Variants in POT1 observed in about 807,000 individuals in gnomAD.
POT1 encodes the protein protection of telomeres protein 1.
A neutral mutation model predicts 78.5 loss-of-function variants in POT1; 47 were observed. That is an observed-to-expected ratio of 0.60 (90% CI 0.47 to 0.76). The LOEUF is 0.76. Ranked by LOEUF, POT1 falls within the 30% of genes least tolerant of loss-of-function variation. The pLI is 0.00. For synonymous variants in POT1, 259 were observed against 260.7 expected (o/e 0.99, Z 0.06); for missense variants, 646 against 749.9 (o/e 0.86, Z 1.62).
At chr7:124,904,713 T>A (rs1293843093) in intron 3 of POT1, among the ~76,000 whole-genome samples, 1 of 152,168 alleles carries the variant, frequency 6.6e-6, no homozygotes, top group African/African-American at 2.4e-5. Flanking sequence ...ATTGTCCCTG[T>A]TTGCAGATGA....
chr7:124,835,396 A>G lies in POT1; in HGVS notation c.1388T>C (p.Ile463Thr). 6.2e-7 allele frequency: 1 copy of G among 1,612,756 alleles called. No homozygotes were observed. The highest frequency in any genetic ancestry group is 8.5e-7 in the Non-Finnish European group (1 of 1,178,776). ...ATTAAACTTGTTCGAGAGTTTGCAA[A>G]TTTCACTGAGTGTACCTCCTGTTAA... ...LLIEGGTLSE[I>T]CKLSNKFNSV... Residue 463 changes from isoleucine to threonine, a missense_variant, in exon 15 of 19, where the codon ATT (isoleucine) becomes ACT (threonine). This residue lies in a region of POT1 where 394 missense variants were observed against 408.4 expected (regional missense o/e 0.96). Coordinates refer to ENST00000357628, the MANE Select transcript of POT1 (RefSeq NM_015450.3).
At chr7:124,892,633 T>C (rs1249148319) in intron 5 of POT1, 2 of 237,082 alleles carry the variant, frequency 8.4e-6, no homozygotes, top group Non-Finnish European at 1.6e-5. Context: ...TAAAACATTA[T>C]ACTTCTTCAA....
intron 14 of POT1, among the ~76,000 whole-genome samples, chr7:124,839,621 TA>T (rs1481778141): frequency 2.0e-5 from 3 of 152,172 alleles, no homozygotes; most frequent in Non-Finnish European, 2.9e-5. Flanking sequence ...AAAATAAAAA[TA>T]GCTCACATTT....
In POT1 at chr7:124,851,527, G is replaced by C. The variant is rs571363057; in HGVS notation, c.949+345C>G. On this transcript the variant is annotated intron_variant, in intron 11 of 18. Coordinates refer to ENST00000357628, the MANE Select transcript of POT1 (RefSeq NM_015450.3). Reference sequence around the variant, plus strand: ...CATAACTATGAGCAAAAAGTATTTGGGTTATGCGAAATAAGTGGCAAAAAC... The same window carrying C: ...CATAACTATGAGCAAAAAGTATTTGCGTTATGCGAAATAAGTGGCAAAAAC... Among the ~76,000 whole-genome samples, 3 of 152,150 alleles carry C rather than the reference G, an allele frequency of 2.0e-5. No homozygotes were observed. The South Asian group carries it at 6.2e-4, about 32-fold the overall frequency.
intron 7 of POT1, among the ~76,000 whole-genome samples, chr7:124,868,746 C>T (rs1367347188): frequency 2.7e-5 from 4 of 148,920 alleles, no homozygotes; most frequent in Non-Finnish European, 5.9e-5. Flanking sequence ...AAATATAATT[C>T]AATATATAAA....
At chr7:124,898,438 T>C (rs1433318129) in intron 3 of POT1, 64 bp from the exon 4 acceptor site, 1 of 151,976 alleles carries the variant, frequency 6.6e-6, no homozygotes, top group Non-Finnish European at 1.5e-5. Flanking sequence ...GAATGTCATA[T>C]AAATCCTTAT....
chr7:124,832,484 A>T (rs930480962), intron 15 of POT1, among the ~76,000 whole-genome samples: 4 of 152,104 alleles, frequency 2.6e-5, no homozygotes, highest in Admixed American at 6.5e-5. Flanking sequence ...TGGAGTGTGA[A>T]CAGCATTTGC....
intron 16 of POT1, among the ~76,000 whole-genome samples, chr7:124,827,983 A>G (rs913458786): frequency 1.3e-5 from 2 of 152,144 alleles, no homozygotes; most frequent in African/African-American, 2.4e-5. Context: ...CAGTGAGTCG[A>G]GATTGCACCA....
At chr7:124,891,986 T>G (rs796521615) in intron 6 of POT1, among the ~76,000 whole-genome samples, 4 of 151,826 alleles carry the variant, frequency 2.6e-5, no homozygotes, top group African/African-American at 9.6e-5. Context: ...TTTATATATT[T>G]ACCTTTTCCA....
chr7:124,905,945 C>G (rs1187226840), intron 3 of POT1, among the ~76,000 whole-genome samples: 1 of 152,202 alleles, frequency 6.6e-6, no homozygotes, highest in Non-Finnish European at 1.5e-5. Flanking sequence ...GAGATACCAT[C>G]TCACACCAGT....
At chr7:124,843,194 T>C (rs1452471384) in intron 12 of POT1, 5 of 312,304 alleles carry the variant, frequency 1.6e-5, no homozygotes, top group South Asian at 1.5e-4. Flanking sequence ...GCTGGATAAT[T>C]TGGGGGAAGA....
At chr7:124,919,476 G>C (rs536093397) in intron 2 of POT1, among the ~76,000 whole-genome samples, 2 of 152,228 alleles carry the variant, frequency 1.3e-5, no homozygotes, top group East Asian at 3.9e-4. Flanking sequence ...CTCTGAATTT[G>C]ACTGTATTTG....
At chr7:124,911,769 G>C (rs1010080781) in intron 3 of POT1, among the ~76,000 whole-genome samples, 1 of 152,064 alleles carries the variant, frequency 6.6e-6, no homozygotes, top group South Asian at 2.1e-4. Flanking sequence ...CAAAATTCTT[G>C]TAACAAGGAA....
chr7:124,910,578 G>A (rs760761435), intron 3 of POT1, among the ~76,000 whole-genome samples: 3 of 151,714 alleles, frequency 2.0e-5, no homozygotes, highest in East Asian at 1.9e-4. Flanking sequence ...TATAATAAAC[G>A]TTTGAAAAAG....
chr7:124,898,452 T>C (rs1359072696), intron 3 of POT1, 78 bp from the exon 4 acceptor site: 1 of 152,038 alleles, frequency 6.6e-6, no homozygotes, highest in Admixed American at 6.6e-5. Flanking sequence ...TCCTTATTTA[T>C]ATTATTATGT....
chr7:124,859,224 T>C (rs542968127), intron 8 of POT1, 112 bp from the exon 9 acceptor site: 8 of 641,830 alleles, frequency 1.2e-5, no homozygotes, highest in African/African-American at 3.7e-5. Flanking sequence ...CCTCTGAATA[T>C]TGGCACTATT....
chr7:124,875,603 C>G (rs1257111996), intron 6 of POT1, among the ~76,000 whole-genome samples: 1 of 152,116 alleles, frequency 6.6e-6, no homozygotes, highest in African/African-American at 2.4e-5. Context: ...TGCAAAACAG[C>G]AGCACTTTAG....
intron 14 of POT1, chr7:124,837,283 A>G (rs1294094953): frequency 6.1e-6 from 1 of 164,760 alleles, no homozygotes; most frequent in East Asian, 1.8e-4. Flanking sequence ...TATTCAGTAA[A>G]TTATAGGTAT....
Position 124,880,870 on chromosome 7 carries a change from C to T in POT1, c.125-9829G>A, listed in dbSNP as rs187189152. The stretch of plus-strand genomic sequence containing the variant: ...AGCAGCAGCCTTGGCTACATACACA[C>T]ACACAATTCTATTAAATCACTGAAT... On this transcript the variant is annotated intron_variant, in intron 6 of 18. Transcript: ENST00000357628. 1.2e-3 allele frequency among the ~76,000 whole-genome samples: 177 copies of T among 152,152 alleles called. 1 individual carries two copies. Among genetic ancestry groups the T allele is most frequent in the African/African-American group, 3.9e-3 (161 of 41,568 alleles).
Sources: gnomAD v4.1 joint callset for allele counts (sites outside exome capture counted in the v4.1 genomes callset) on GRCh38, gnomAD v4.1.1 for gene constraint, gnomAD v4.1.1 regional missense constraint, MANE v1.5 for transcripts, NCBI Gene and HGNC (gene_info 2026-07-23, HGNC 2026-07-21) for gene names.